KCNG1: variants seen among roughly 807,000 people sequenced by gnomAD.
The protein encoded by KCNG1 is voltage-gated potassium channel regulatory subunit KCNG1.
Under a neutral mutation model 32.4 loss-of-function variants are expected in KCNG1, and 17 were observed. That is an observed-to-expected ratio of 0.52 (90% CI 0.36 to 0.79). The LOEUF is 0.79. Ranked by LOEUF, KCNG1 falls within the 30% of genes least tolerant of loss-of-function variation. The pLI is 0.00. For synonymous variants in KCNG1, 358 were observed against 339.9 expected (o/e 1.05, Z -0.59); for missense variants, 441 against 735.2 (o/e 0.60, Z 4.63).
intron 1 of KCNG1, among the ~76,000 whole-genome samples, chr20:51,020,624 A>G (rs115573662): frequency 0.011 from 1,709 of 152,220 alleles, 38 homozygotes; most frequent in African/African-American, 0.037. Context: ...TTTCACCCAC[A>G]GGCTCCATTT....
chr20:51,004,261 C>T lies in KCNG1; in HGVS notation c.1320G>A (p.Val440=), dbSNP rs1987729483. 1 of 1,613,710 alleles carries T rather than the reference C, an allele frequency of 6.2e-7. No individual in the cohort carries two copies. The part of the protein sequence containing the change: ...MVPRSTPGQV[V]ALSSILSGIL... Reference sequence around the variant, plus strand: ...TGCCGCTCAGGATGCTGCTCAGGGCCACTACCTGGCCCGGGGTGCTCCTGG... The same window carrying T: ...TGCCGCTCAGGATGCTGCTCAGGGCTACTACCTGGCCCGGGGTGCTCCTGG... Residue 440 remains valine, a synonymous_variant, in exon 3 of 3, where the codon GTG becomes GTA. Transcript: ENST00000371571. This position sits in a 1 kb window ranked among gnomAD's most constrained non-coding sequence, Gnocchi z 4.3.
intron 2 of KCNG1, chr20:51,007,869 T>C (rs925343157): frequency 6.6e-6 from 1 of 151,838 alleles, no homozygotes; most frequent in African/African-American, 2.4e-5. Flanking sequence ...ATAAATTCAA[T>C]GTATACCAAA....
intron 1 of KCNG1, among the ~76,000 whole-genome samples, chr20:51,011,642 A>C (rs756964268): frequency 1.6e-4 from 25 of 152,216 alleles, no homozygotes; most frequent in Non-Finnish European, 2.2e-4. Flanking sequence ...AGCCTGGGCA[A>C]GTGACTCAAC....
intron 1 of KCNG1, among the ~76,000 whole-genome samples, chr20:51,011,909 G>A (rs1353065509): frequency 6.6e-6 from 1 of 152,214 alleles, no homozygotes; most frequent in East Asian, 1.9e-4. Context: ...CAATTCTCGT[G>A]CCTCAGCCTC....
intron 2 of KCNG1, among the ~76,000 whole-genome samples, chr20:51,007,711 G>T (rs1340328577): frequency 1.3e-5 from 2 of 151,506 alleles, no homozygotes; most frequent in Non-Finnish European, 2.9e-5. Context: ...GGAAGTAGAG[G>T]TTGCAGTGAG....
chr20:51,008,281 T>C (rs1987915459), intron 2 of KCNG1, among the ~76,000 whole-genome samples: 1 of 152,106 alleles, frequency 6.6e-6, no homozygotes, highest in South Asian at 2.1e-4. Flanking sequence ...CTGGTGTATA[T>C]GTTGGTGGCG....
At chr20:51,017,190 G>A (rs1182880073) in intron 1 of KCNG1, among the ~76,000 whole-genome samples, 3 of 152,210 alleles carry the variant, frequency 2.0e-5, no homozygotes, top group Non-Finnish European at 4.4e-5. Context: ...GGACAGGCAA[G>A]TCTTCGTAGA....
intron 1 of KCNG1, among the ~76,000 whole-genome samples, chr20:51,014,633 G>C (rs187218815): frequency 6.6e-6 from 1 of 152,202 alleles, no homozygotes; most frequent in South Asian, 2.1e-4. Context: ...CCGGAGACAC[G>C]GCAGAGAACA....
In KCNG1 at chr20:51,004,422, C is replaced by T; in HGVS notation, c.1159G>A (p.Ala387Thr). Residue 387 changes from alanine to threonine, a missense_variant, in exon 3 of 3, where the codon GCC becomes ACC. Physicochemically the swap from Ala to Thr is moderately conservative, Grantham distance 58. Coordinates refer to ENST00000371571, the MANE Select transcript of KCNG1 (RefSeq NM_002237.4). This position sits in a 1 kb window ranked among gnomAD's most constrained non-coding sequence, Gnocchi z 4.3. ...AGCAGGGGCGCGAAGAGGGCGATGGCCACGCAGAGGAAGAGCAGCAGGAGC... is the reference window on the plus strand; with the variant it reads ...AGCAGGGGCGCGAAGAGGGCGATGGTCACGCAGAGGAAGAGCAGCAGGAGC... ...FGLLLLFLCV[A>T]IALFAPLLYV... The T allele has an allele frequency of 6.2e-7, 1 of 1,609,886 alleles. No individual in the cohort carries two copies. The highest frequency in any genetic ancestry group is 8.5e-7 in the Non-Finnish European group (1 of 1,176,912).
intron 1 of KCNG1, among the ~76,000 whole-genome samples, chr20:51,021,879 C>G (rs1217356612): frequency 6.6e-6 from 1 of 152,196 alleles, no homozygotes; most frequent in Non-Finnish European, 1.5e-5. Context: ...TCACCCGCCC[C>G]TAAGGAGCTT....
In KCNG1 at chr20:51,003,759, T is replaced by A; in HGVS notation, c.*280A>T. ...TGCATGGTGAAAAGAACAAGGCATC[T>A]CCTTATTGAGGGAAACACACATAGG... On this transcript the variant is annotated 3_prime_UTR_variant, in exon 3 of 3. Transcript: ENST00000371571. 3.1e-6 allele frequency: 1 copy of A among 320,090 alleles called. No individual in the cohort carries two copies. Among genetic ancestry groups the A allele is most frequent in the Non-Finnish European group, 5.4e-6 (1 of 184,824 alleles). The allele number at this position is 320,090 out of a possible 1,614,324, so 19.8% of individuals were successfully genotyped here.
chr20:51,009,551 G>T lies in KCNG1; in HGVS notation c.774+14C>A. The T allele has an allele frequency of 6.3e-7, 1 of 1,580,618 alleles. No individual in the cohort carries two copies. The highest frequency in any genetic ancestry group is 8.6e-7 in the Non-Finnish European group (1 of 1,165,694). On this transcript the variant is annotated intron_variant, in intron 2 of 2. Transcript: ENST00000371571. ...TCGTGGTGGCGCGTTTCCCCGCGGG[G>T]CGTGGGCTCTTACCTGCTCCTCCTC...
intron 1 of KCNG1, among the ~76,000 whole-genome samples, chr20:51,011,740 C>T (rs1372226491): frequency 6.6e-6 from 1 of 152,182 alleles, no homozygotes; most frequent in East Asian, 1.9e-4. Flanking sequence ...GAATTATGTA[C>T]ATAGGAGCAT....
intron 1 of KCNG1, among the ~76,000 whole-genome samples, chr20:51,012,023 C>T (rs190249739): frequency 3.3e-5 from 5 of 152,336 alleles, no homozygotes; most frequent in Admixed American, 1.3e-4. Context: ...GAACTCCTGA[C>T]CTCAGGTGAT....
intron 2 of KCNG1, among the ~76,000 whole-genome samples, chr20:51,008,996 C>A (rs1415050809): frequency 6.6e-6 from 1 of 152,212 alleles, no homozygotes; most frequent in Non-Finnish European, 1.5e-5. Flanking sequence ...GACTGTAGCA[C>A]ACACCCCGTG....
At position 51,009,599 on chromosome 20, in the gene KCNG1, C is replaced by A; in HGVS notation, c.740G>T (p.Ser247Ile). The A allele has an allele frequency of 6.2e-7, 1 of 1,609,686 alleles. No homozygotes were observed. The highest frequency in any genetic ancestry group is 8.5e-7 in the Non-Finnish European group (1 of 1,178,942). The change falls in exon 2 of 3, where the codon AGC (serine) becomes ATC (isoleucine). Residue 247 changes from serine (S) to isoleucine (I), a missense_variant. Physicochemically the swap from Ser to Ile is moderately radical, Grantham distance 142 (BLOSUM62 -2). Transcript: ENST00000371571. ...VTVTAVNLSV[S>I]TLPSLREEEE... ...CTCCTCCCTCAGGCTGGGCAAGGTG[C>A]TGACGGAGAGGTTGACGGCGGTGAC... is the stretch of plus-strand genomic sequence containing the variant.
At position 51,005,406 on chromosome 20, in the gene KCNG1, C is replaced by T. The variant is rs1382271410; in HGVS notation, c.775-600G>A. The T allele has an allele frequency of 6.6e-6, 1 of 152,314 alleles. No homozygotes were observed. The highest frequency in any genetic ancestry group is 1.5e-5 in the Non-Finnish European group (1 of 68,144). The allele number at this position is 152,314 out of a possible 1,614,324, so 9.4% of individuals were successfully genotyped here. On this transcript the variant is annotated intron_variant, in intron 2 of 2. Coordinates refer to ENST00000371571, the MANE Select transcript of KCNG1 (RefSeq NM_002237.4). This position sits in a 1 kb window ranked among gnomAD's most constrained non-coding sequence, Gnocchi z 4.0. ...TAGCCAGAGGGATCCTGTTCCTCCT[C>T]TGCTTAGCACCCTCCACGGCTCCCG...
intron 1 of KCNG1, among the ~76,000 whole-genome samples, chr20:51,021,156 C>T (rs538798219): frequency 4.6e-5 from 7 of 152,368 alleles, no homozygotes; most frequent in Non-Finnish European, 8.8e-5. Context: ...GCCTCGTTTC[C>T]AGTGTGCTTG....
chr20:51,010,427 C>A, intron 1 of KCNG1, 63 bp from the exon 2 acceptor site: 2 of 1,105,718 alleles, frequency 1.8e-6, no homozygotes, highest in East Asian at 2.5e-5. Flanking sequence ...GCTGAGAATG[C>A]AGATTCCGCA....
Sources: allele counts gnomAD v4.1 joint callset (sites outside exome capture counted in the v4.1 genomes callset), GRCh38; gene constraint gnomAD v4.1.1; non-coding constraint Gnocchi (gnomAD v3.1); transcripts MANE v1.5; gene names NCBI Gene and HGNC (gene_info 2026-07-23, HGNC 2026-07-21).